Variants in KIF6 observed in about 807,000 individuals in gnomAD.
KIF6 encodes kinesin family member 6.
KIF6 carries 106 observed loss-of-function variants against 112.7 expected under a neutral mutation model. The observed-to-expected ratio is 0.94, with a 90% CI of 0.80 to 1.11. The LOEUF (loss-of-function observed/expected upper bound fraction) is 1.11, where lower values mean the gene tolerates loss of function less well. Among genes scored for constraint, KIF6 ranks in the 50% least tolerant of loss-of-function variants. The probability of loss-of-function intolerance (pLI) is 0.00; values close to 1 mark genes in which losing one functional copy is unlikely to be tolerated. For missense variants in KIF6, 929 were observed against 964.0 expected (o/e 0.96, Z 0.48); for synonymous variants, 339 against 339.9 (o/e 1.00, Z 0.03).
At chr6:39,520,665 C>G (rs575034337) in intron 13 of KIF6, among the ~76,000 whole-genome samples, 1 of 152,322 alleles carries the variant, frequency 6.6e-6, no homozygotes, top group Admixed American at 6.5e-5. Flanking sequence ...GCAAAGCTTT[C>G]TGGCTGAGGG....
intron 13 of KIF6, among the ~76,000 whole-genome samples, chr6:39,432,792 A>G (rs1481623534): frequency 6.6e-6 from 1 of 152,234 alleles, no homozygotes; most frequent in African/African-American, 2.4e-5. Context: ...CAGTTCTAAC[A>G]GTGCATGCCT....
At position 39,470,863 on chromosome 6, in the gene KIF6, G is replaced by A. The variant is rs116713454; in HGVS notation, c.1646-39702C>T. Reference sequence around the variant, plus strand: ...TCCTCTACCCACTGCCCTTTATAACGTGGGCTCCCTTATCATATTTCTTTA... The same window carrying A: ...TCCTCTACCCACTGCCCTTTATAACATGGGCTCCCTTATCATATTTCTTTA... On this transcript the variant is annotated intron_variant, in intron 13 of 22. Coordinates refer to ENST00000287152, the MANE Select transcript of KIF6 (RefSeq NM_145027.6). Among the ~76,000 whole-genome samples, 825 of 151,436 alleles carry A rather than the reference G, an allele frequency of 5.4e-3. 3 individuals are homozygous for A. The highest frequency in any genetic ancestry group is 8.5e-3 in the Non-Finnish European group (578 of 67,620).
chr6:39,587,316 G>A (rs577150864), intron 7 of KIF6, among the ~76,000 whole-genome samples: 1 of 152,280 alleles, frequency 6.6e-6, no homozygotes, highest in South Asian at 2.1e-4. Flanking sequence ...CTCCGCCAAT[G>A]CCTGTCATTG....
Position 39,540,135 on chromosome 6 carries a change from G to A in KIF6, c.1513C>T (p.Gln505Ter). 4 of 1,614,184 alleles carry A rather than the reference G, an allele frequency of 2.5e-6. No individual in the cohort carries two copies. The highest frequency in any genetic ancestry group is 2.5e-6 in the Non-Finnish European group (3 of 1,180,020). ...LAGMDRREFR[Q>*]SQSPPFRLGN... The stretch of plus-strand genomic sequence containing the variant: ...AGGCGGAAGGGTGGGCTCTGGGACT[G>A]TCTGAATTCACGTCTATCCATGCCA... Residue 505 changes from glutamine (Q) to a stop codon, truncating the protein, a stop_gained, in exon 13 of 23, where the codon CAG (glutamine) becomes TAG (stop). Transcript: ENST00000287152. LOFTEE classifies it high-confidence loss of function.
At chr6:39,709,935 T>C (rs1789440515) in intron 3 of KIF6, among the ~76,000 whole-genome samples, 1 of 152,222 alleles carries the variant, frequency 6.6e-6, no homozygotes, top group Non-Finnish European at 1.5e-5. Context: ...CTTTAAATAT[T>C]GTGCATAAAT....
At chr6:39,487,389 C>G (rs1006720807) in intron 13 of KIF6, among the ~76,000 whole-genome samples, 2 of 152,196 alleles carry the variant, frequency 1.3e-5, no homozygotes, top group Admixed American at 1.3e-4. Context: ...ATTCCCTCCC[C>G]AGGGGCATCC....
rs766537075 is a variant in KIF6, at chr6:39,336,511, G to A, written c.*21C>T. 1 of 1,612,760 alleles carries A rather than the reference G, an allele frequency of 6.2e-7. No individual in the cohort carries two copies. The highest frequency in any genetic ancestry group is 2.2e-5 in the East Asian group (1 of 44,870). On this transcript the variant is annotated 3_prime_UTR_variant, in exon 23 of 23. Transcript: ENST00000287152. The stretch of plus-strand genomic sequence containing the variant: ...CTTCATTCTTGCTGGCATAATTCAT[G>A]GATGGATATTTCCTGGAAATTCAAT...
intron 3 of KIF6, among the ~76,000 whole-genome samples, chr6:39,678,231 G>A (rs1427353058): frequency 6.6e-6 from 1 of 151,890 alleles, no homozygotes; most frequent in East Asian, 1.9e-4. Flanking sequence ...AACCATTGTG[G>A]AAGTCAGTGT....
At chr6:39,628,886 T>C (rs1270772416) in intron 5 of KIF6, among the ~76,000 whole-genome samples, 1 of 152,120 alleles carries the variant, frequency 6.6e-6, no homozygotes, top group African/African-American at 2.4e-5. Context: ...ACTGTCTCTA[T>C]AGTTTTGCCT....
chr6:39,578,679 C>T (rs1243445445), intron 9 of KIF6, among the ~76,000 whole-genome samples: 1 of 151,954 alleles, frequency 6.6e-6, no homozygotes, highest in East Asian at 1.9e-4. Context: ...TAACTGGAAC[C>T]CCCTATTGGT....
chr6:39,434,028 C>A (rs781272876), intron 13 of KIF6, among the ~76,000 whole-genome samples: 1 of 152,174 alleles, frequency 6.6e-6, no homozygotes, highest in African/African-American at 2.4e-5. Flanking sequence ...AAAACAGGCT[C>A]TTTCTCCTAT....
chr6:39,681,717 G>A (rs1787530005), intron 3 of KIF6, among the ~76,000 whole-genome samples: 1 of 152,122 alleles, frequency 6.6e-6, no homozygotes, highest in Non-Finnish European at 1.5e-5. Context: ...ATTCCACGGA[G>A]AAATGGACAA....
At chr6:39,418,408 A>G (rs1770089275) in intron 15 of KIF6, among the ~76,000 whole-genome samples, 1 of 152,138 alleles carries the variant, frequency 6.6e-6, no homozygotes, top group African/African-American at 2.4e-5. Flanking sequence ...AAATTGTAAA[A>G]CCTTTTGTGA....
chr6:39,591,797 A>C (rs72852117), intron 7 of KIF6, among the ~76,000 whole-genome samples: 17 of 152,336 alleles, frequency 1.1e-4, no homozygotes, highest in Non-Finnish European at 1.9e-4. Flanking sequence ...TGAAAGGCAC[A>C]GGAAAATGCG....
intron 3 of KIF6, among the ~76,000 whole-genome samples, chr6:39,652,728 C>T (rs541562889): frequency 2.6e-5 from 4 of 152,148 alleles, no homozygotes; most frequent in Admixed American, 1.3e-4. Context: ...CTTCTATTAT[C>T]TCCCATTTTA....
chr6:39,417,242 G>A (rs1251299972), intron 15 of KIF6, among the ~76,000 whole-genome samples: 1 of 152,198 alleles, frequency 6.6e-6, no homozygotes, highest in African/African-American at 2.4e-5. Flanking sequence ...CAAGCACCGT[G>A]AGGGGGTATT....
intron 3 of KIF6, 60 bp from the exon 4 acceptor site, chr6:39,639,817 T>C (rs1445317066): frequency 1.4e-6 from 2 of 1,438,238 alleles, no homozygotes; most frequent in East Asian, 2.4e-5. Context: ...ATGAATTAAA[T>C]GGCTTGTATT....
chr6:39,725,231 G>A lies in KIF6; in HGVS notation c.66+14C>T, dbSNP rs890425341. On this transcript the variant is annotated intron_variant, in intron 1 of 22. Transcript: ENST00000287152. Reference sequence around the variant, plus strand: ...GCCCCGCCGCGCCGGCGCCCCGGAGGCTCCAGCCCGTACCCCTTGTTGGTG... The same window carrying A: ...GCCCCGCCGCGCCGGCGCCCCGGAGACTCCAGCCCGTACCCCTTGTTGGTG... 39 of 1,603,306 alleles carry A rather than the reference G, an allele frequency of 2.4e-5. No homozygotes were observed. The highest frequency in any genetic ancestry group is 2.0e-4 in the African/African-American group (15 of 73,202).
chr6:39,468,796 T>C (rs1295312697), intron 13 of KIF6, among the ~76,000 whole-genome samples: 1 of 152,052 alleles, frequency 6.6e-6, no homozygotes, highest in East Asian at 1.9e-4. Flanking sequence ...GTAAAAGTAA[T>C]TATATAGGTA....
Sources: allele counts gnomAD v4.1 joint callset (sites outside exome capture counted in the v4.1 genomes callset), GRCh38; gene constraint gnomAD v4.1.1; transcripts MANE v1.5; gene names NCBI Gene and HGNC (gene_info 2026-07-23, HGNC 2026-07-21).